The following VPS13B variants were observed in gnomAD, a reference collection of about 807,000 sequenced individuals.
VPS13B encodes vacuolar protein sorting 13 homolog B.
In VPS13B, 285 loss-of-function variants were observed where a neutral mutation model predicts 426.4. That is an observed-to-expected ratio of 0.67 (90% CI 0.61 to 0.74). The LOEUF is 0.74. VPS13B is among the 30% of genes least tolerant of loss of function. The pLI is 0.00. For synonymous variants in VPS13B, 1,676 were observed against 1,676.4 expected, an observed-to-expected ratio of 1.00 and a Z score of 0.01; for missense variants, 4,537 against 4,782.6, an observed-to-expected ratio of 0.95 and a Z score of 1.51.
chr8:99,517,515 A>C (rs905495173), intron 29 of VPS13B, among the ~76,000 whole-genome samples: 7 of 152,206 alleles, frequency 4.6e-5, no homozygotes, highest in Non-Finnish European at 8.8e-5. Flanking sequence ...AATGATAAAA[A>C]AATTGAACAT....
chr8:99,695,145 C>A (rs1169616435), intron 35 of VPS13B, among the ~76,000 whole-genome samples: 1 of 151,224 alleles, frequency 6.6e-6, no homozygotes, highest in Non-Finnish European at 1.5e-5. Context: ...TGTGGCGATT[C>A]CTCAGGGATC....
chr8:99,271,017 T>C (rs1351817901), intron 17 of VPS13B, among the ~76,000 whole-genome samples: 1 of 152,102 alleles, frequency 6.6e-6, no homozygotes, highest in African/African-American at 2.4e-5. Flanking sequence ...TTTTTAAATA[T>C]ATATATAGAA....
chr8:99,720,706 G>C (rs1833098175), intron 38 of VPS13B, among the ~76,000 whole-genome samples, 154 bp downstream of exon 38: 1 of 151,970 alleles, frequency 6.6e-6, no homozygotes, highest in Non-Finnish European at 1.5e-5. Context: ...TCTCTCTTAG[G>C]GGAAGTTCTT....
chr8:99,674,531 T>C (rs780838258), intron 35 of VPS13B, among the ~76,000 whole-genome samples: 24 of 152,046 alleles, frequency 1.6e-4, no homozygotes, highest in Non-Finnish European at 3.4e-4. Context: ...ATCTATTAAT[T>C]TGCTCTTTCT....
At chr8:99,589,950 G>A (rs374032113) in intron 33 of VPS13B, among the ~76,000 whole-genome samples, 25 of 152,278 alleles carry the variant, frequency 1.6e-4, no homozygotes, top group African/African-American at 5.8e-4. Flanking sequence ...GAATTCGGCT[G>A]TGAATCCGTC....
At chr8:99,176,776 A>C (rs1328667056) in intron 16 of VPS13B, among the ~76,000 whole-genome samples, 1 of 152,240 alleles carries the variant, frequency 6.6e-6, no homozygotes, top group Admixed American at 6.5e-5. Flanking sequence ...AAGGAATACT[A>C]GAGACTCTAA....
intron 19 of VPS13B, among the ~76,000 whole-genome samples, chr8:99,354,941 T>C (rs564659858): frequency 1.3e-5 from 2 of 151,970 alleles, no homozygotes; most frequent in Non-Finnish European, 2.9e-5. Flanking sequence ...ATAAATGATA[T>C]AAAAAACAGA....
chr8:99,532,151 TC>T (rs1453742007), intron 30 of VPS13B, among the ~76,000 whole-genome samples: 1 of 152,196 alleles, frequency 6.6e-6, no homozygotes, highest in East Asian at 1.9e-4. Context: ...TTCTGGGTTT[TC>T]TGAAGTCCCT....
chr8:99,135,083 T>C lies in VPS13B; in HGVS notation c.1371T>C (p.Leu457=). Reference sequence around the variant, plus strand: ...TTGTTGGTTGCAGAGCCATGTGCCTTAAAGGAATTATGGGTGTTAAAGATT... The same window carrying C: ...TTGTTGGTTGCAGAGCCATGTGCCTCAAAGGAATTATGGGTGTTAAAGATT... The part of the protein sequence containing the change: ...IGFVGCRAMC[L]KGIMGVKDFE... The change falls in exon 10 of 62, where the codon CTT becomes CTC. Residue 457 remains leucine (L), a synonymous_variant. Coordinates refer to ENST00000357162, the MANE Select transcript of VPS13B (RefSeq NM_152564.5). The C allele has an allele frequency of 6.2e-7, 1 of 1,613,640 alleles. No individual in the cohort carries two copies. Among genetic ancestry groups the C allele is most frequent in the East Asian group, 2.2e-5 (1 of 44,834 alleles).
intron 35 of VPS13B, among the ~76,000 whole-genome samples, chr8:99,677,213 C>G (rs1295746197): frequency 1.3e-5 from 2 of 152,248 alleles, no homozygotes; most frequent in African/African-American, 2.4e-5. Flanking sequence ...TCTGCCCCTT[C>G]TCTCTTGCCA....
At chr8:99,268,277 G>A (rs1418968736) in intron 17 of VPS13B, among the ~76,000 whole-genome samples, 1 of 152,194 alleles carries the variant, frequency 6.6e-6, no homozygotes, top group Non-Finnish European at 1.5e-5. Context: ...CTGGGGCACT[G>A]CCTACTGGGC....
At chr8:99,718,661 TTC>T (rs914907518) in intron 37 of VPS13B, among the ~76,000 whole-genome samples, 1 of 151,828 alleles carries the variant, frequency 6.6e-6, no homozygotes, top group African/African-American at 2.4e-5. Flanking sequence ...GTGAATTTTT[TTC>T]TTTTTTTCTT....
At chr8:99,677,571 G>C (rs1588615384) in intron 35 of VPS13B, among the ~76,000 whole-genome samples, 1 of 152,116 alleles carries the variant, frequency 6.6e-6, no homozygotes, top group South Asian at 2.1e-4. Flanking sequence ...GAAGAAATGA[G>C]AAAAATTACC....
intron 2 of VPS13B, among the ~76,000 whole-genome samples, chr8:99,028,987 G>A (rs1347063744): frequency 2.0e-5 from 3 of 150,676 alleles, no homozygotes; most frequent in Non-Finnish European, 4.4e-5. Flanking sequence ...CAGACGGGGC[G>A]GCTGCCGGGC....
chr8:99,827,652 C>G (rs897879461), intron 51 of VPS13B, among the ~76,000 whole-genome samples: 1 of 151,148 alleles, frequency 6.6e-6, no homozygotes, highest in Non-Finnish European at 1.5e-5. Flanking sequence ...TCTTGCTTCT[C>G]TAGTTCTGTT....
At chr8:99,077,981 G>T (rs1845226533) in intron 3 of VPS13B, among the ~76,000 whole-genome samples, 1 of 150,748 alleles carries the variant, frequency 6.6e-6, no homozygotes, top group South Asian at 2.1e-4. Context: ...GTGCTCAGTT[G>T]TATTTTTTAT....
intron 29 of VPS13B, among the ~76,000 whole-genome samples, chr8:99,514,553 T>C (rs114543055): frequency 8.6e-4 from 131 of 152,332 alleles, no homozygotes; most frequent in African/African-American, 3.0e-3. Flanking sequence ...TTTGTGTCTG[T>C]CTTACTTTAC....
chr8:99,013,879 TG>T lies in VPS13B; in HGVS notation c.95del (p.Gly32ValfsTer11). 1 of 1,614,144 alleles carries T rather than the reference TG, an allele frequency of 6.2e-7. No homozygotes were observed. The highest frequency in any genetic ancestry group is 2.2e-5 in the East Asian group (1 of 44,876). On this transcript the variant is annotated frameshift_variant, in exon 2 of 62. Coordinates refer to ENST00000357162, the MANE Select transcript of VPS13B (RefSeq NM_152564.5). LOFTEE classifies it high-confidence loss of function. ...GCCGTCGGATCTACAGCTTTCACTA[TG>T]GGGTGGAGACGTGGTACTCAGCAAG... ...LKPSDLQLSL[W>X]GGDVVLSKLE...
chr8:99,235,719 A>G (rs925238965), intron 17 of VPS13B, among the ~76,000 whole-genome samples: 2 of 152,186 alleles, frequency 1.3e-5, no homozygotes, highest in African/African-American at 4.8e-5. Context: ...CCACTGAAGT[A>G]CTTTTCAACA....
Sources: allele counts gnomAD v4.1 joint callset (sites outside exome capture counted in the v4.1 genomes callset), GRCh38; gene constraint gnomAD v4.1.1; transcripts MANE v1.5; gene names NCBI Gene and HGNC (gene_info 2026-07-23, HGNC 2026-07-21).